The following AMPH variants were observed in gnomAD, a reference collection of about 807,000 sequenced individuals.
AMPH encodes the protein amphiphysin (Stiff-Mann syndrome with breast cancer 128kD autoantigen).
Under a neutral mutation model 99.1 loss-of-function variants are expected in AMPH, and 49 were observed. The observed-to-expected ratio is 0.49, with a 90% CI of 0.39 to 0.63. The LOEUF (loss-of-function observed/expected upper bound fraction) is 0.63. Among genes scored for constraint, AMPH ranks in the 20% least tolerant of loss-of-function variants. The pLI is 0.00. For synonymous variants in AMPH, 314 were observed against 317.3 expected (o/e 0.99, Z 0.11); for missense variants, 759 against 863.4 (o/e 0.88, Z 1.52).
chr7:38,460,028 GGACAT>G lies in AMPH; in HGVS notation c.1017+1250_1017+1254del, dbSNP rs1787381251. On this transcript the variant is annotated intron_variant, in intron 11 of 20. Coordinates refer to ENST00000356264, the MANE Select transcript of AMPH (RefSeq NM_001635.4). ...ATAATCCCATGAAAAAGTGGGCTAA[GGACAT>G]AAATAGACATTTCTCAAAAGAAAAC... Among the ~76,000 whole-genome samples the G allele has an allele frequency of 2.6e-5, 4 of 152,034 alleles. No homozygotes were observed. In the South Asian group the frequency reaches 8.3e-4, roughly 32 times the overall value.
At position 38,631,362 on chromosome 7, in the gene AMPH, C is replaced by G; in HGVS notation, c.-11G>C. 1.3e-6 allele frequency: 2 copies of G among 1,540,954 alleles called. No homozygotes were observed. Among genetic ancestry groups the G allele is most frequent in the Non-Finnish European group, 1.7e-6 (2 of 1,144,806 alleles). ...CTTGATGTCGGCCATGGCTGCGGGT[C>G]CGGGGAGCTGCGAAGAGCAGAGCGC... On this transcript the variant is annotated 5_prime_UTR_variant, in exon 1 of 21. Transcript: ENST00000356264.
At chr7:38,505,239 T>A (rs1789278834) in intron 2 of AMPH, among the ~76,000 whole-genome samples, 1 of 152,210 alleles carries the variant, frequency 6.6e-6, no homozygotes, top group South Asian at 2.1e-4. Context: ...CAAAAGGGAT[T>A]CTGAATTAGG....
At chr7:38,438,162 G>T (rs1028286932) in intron 11 of AMPH, among the ~76,000 whole-genome samples, 2 of 152,192 alleles carry the variant, frequency 1.3e-5, no homozygotes, top group Non-Finnish European at 2.9e-5. Context: ...ACTGTTCGAA[G>T]AACTTTACAC....
At chr7:38,628,187 A>T (rs146729883) in intron 1 of AMPH, among the ~76,000 whole-genome samples, 10 of 152,378 alleles carry the variant, frequency 6.6e-5, no homozygotes, top group African/African-American at 2.4e-4. Context: ...CGAATGCACA[A>T]AAGTTTGCTT....
At chr7:38,468,713 C>A (rs1031616690) in intron 7 of AMPH, among the ~76,000 whole-genome samples, 1 of 152,174 alleles carries the variant, frequency 6.6e-6, no homozygotes, top group African/African-American at 2.4e-5. Flanking sequence ...ACAGCCCTAG[C>A]ACCTAGTACA....
intron 15 of AMPH, among the ~76,000 whole-genome samples, chr7:38,423,722 G>A (rs903922264): frequency 6.6e-6 from 1 of 152,190 alleles, no homozygotes; most frequent in Non-Finnish European, 1.5e-5. Flanking sequence ...AGAACTCCCA[G>A]TGGTGAAAAA....
chr7:38,594,515 T>C (rs1291602563), intron 1 of AMPH, among the ~76,000 whole-genome samples: 1 of 152,152 alleles, frequency 6.6e-6, no homozygotes, highest in Non-Finnish European at 1.5e-5. Context: ...TCCTGTTTTA[T>C]GGTTAAGAGA....
chr7:38,566,876 A>C (rs2129050644), intron 1 of AMPH, among the ~76,000 whole-genome samples: 1 of 152,324 alleles, frequency 6.6e-6, no homozygotes, highest in Non-Finnish European at 1.5e-5. Flanking sequence ...GATCATTAAA[A>C]AGTCAGGCAA....
At chr7:38,494,311 G>A (rs1289177213) in intron 4 of AMPH, 122 bp downstream of exon 4, 5 of 827,558 alleles carry the variant, frequency 6.0e-6, no homozygotes, top group Non-Finnish European at 1.0e-5. Context: ...GAACTGCACA[G>A]TGCCTTCTGA....
intron 2 of AMPH, among the ~76,000 whole-genome samples, chr7:38,508,805 T>G (rs1052106960): frequency 6.6e-6 from 1 of 152,212 alleles, no homozygotes; most frequent in Non-Finnish European, 1.5e-5. Flanking sequence ...GTTAACTCAA[T>G]CTTGAAAGCA....
chr7:38,557,898 A>T (rs544938044), intron 1 of AMPH, among the ~76,000 whole-genome samples: 2 of 151,732 alleles, frequency 1.3e-5, no homozygotes, highest in East Asian at 3.9e-4. Context: ...TACTAAAAAT[A>T]AAAAAAAATT....
chr7:38,429,384 T>C (rs1562748414), intron 14 of AMPH: 4 of 1,290,876 alleles, frequency 3.1e-6, no homozygotes, highest in Non-Finnish European at 4.0e-6. Flanking sequence ...TTGCTCTGTT[T>C]CGGAGGGACA....
At chr7:38,490,721 C>G (rs939507751) in intron 5 of AMPH, among the ~76,000 whole-genome samples, 1 of 152,070 alleles carries the variant, frequency 6.6e-6, no homozygotes, top group Admixed American at 6.6e-5. Context: ...AAATCCCTGT[C>G]AAATGCTATA....
intron 1 of AMPH, among the ~76,000 whole-genome samples, chr7:38,571,063 A>ATTC (rs1791960562): frequency 2.3e-5 from 1 of 43,918 alleles, no homozygotes; most frequent in African/African-American, 9.0e-5. Flanking sequence ...TCATATATTG[A>ATTC]ATATATATAG....
intron 2 of AMPH, among the ~76,000 whole-genome samples, chr7:38,507,801 T>C (rs1322219316): frequency 6.6e-6 from 1 of 152,216 alleles, no homozygotes; most frequent in East Asian, 1.9e-4. Flanking sequence ...TTCTATGTCC[T>C]GGTCACAGGG....
At chr7:38,436,946 T>G (rs1786290170) in intron 11 of AMPH, among the ~76,000 whole-genome samples, 1 of 152,160 alleles carries the variant, frequency 6.6e-6, no homozygotes, top group Non-Finnish European at 1.5e-5. Flanking sequence ...TCCATAGCAT[T>G]GTTAGTTTCA....
chr7:38,538,206 A>G (rs1790684977), intron 1 of AMPH, among the ~76,000 whole-genome samples: 1 of 152,226 alleles, frequency 6.6e-6, no homozygotes, highest in African/African-American at 2.4e-5. Flanking sequence ...AGGTAAATAG[A>G]CTAAGTCACA....
chr7:38,555,396 C>A (rs949711740), intron 1 of AMPH, among the ~76,000 whole-genome samples: 1 of 152,080 alleles, frequency 6.6e-6, no homozygotes, highest in Non-Finnish European at 1.5e-5. Context: ...CAGAGAGAGA[C>A]CCTGTCTTTA....
chr7:38,396,067 A>G (rs1306994972), intron 17 of AMPH, among the ~76,000 whole-genome samples: 1 of 152,214 alleles, frequency 6.6e-6, no homozygotes, highest in Non-Finnish European at 1.5e-5. Flanking sequence ...CTCTTATGAG[A>G]ATCTCCTATT....
Sources: allele counts gnomAD v4.1 joint callset (sites outside exome capture counted in the v4.1 genomes callset), GRCh38; gene constraint gnomAD v4.1.1; transcripts MANE v1.5; gene names NCBI Gene and HGNC (gene_info 2026-07-23, HGNC 2026-07-21).